WWOX: variants seen among roughly 807,000 people sequenced by gnomAD.
WWOX encodes the protein WW domain containing oxidoreductase, also known as WW domain-containing oxidoreductase.
In WWOX, 69 loss-of-function variants were observed where a neutral mutation model predicts 46.2. That is an observed-to-expected ratio of 1.49 (90% confidence interval 1.23 to 1.82). The LOEUF is 1.82. Among genes scored for constraint, WWOX ranks in the 40% most tolerant of loss-of-function variants. The pLI is 0.00. For synonymous variants in WWOX, 359 were observed against 202.6 expected, an observed-to-expected ratio of 1.77 and a Z score of -6.56; for missense variants, 919 against 542.6, an observed-to-expected ratio of 1.69 and a Z score of -6.89.
chr16:78,977,800 A>G (rs2046603096), intron 8 of WWOX, among the ~76,000 whole-genome samples: 1 of 152,130 alleles, frequency 6.6e-6, no homozygotes, highest in South Asian at 2.1e-4. Context: ...TCCCAGCCTC[A>G]CACCAAGCTC....
chr16:78,307,574 G>C (rs1216392042), intron 5 of WWOX, among the ~76,000 whole-genome samples: 1 of 152,216 alleles, frequency 6.6e-6, no homozygotes, highest in East Asian at 1.9e-4. Flanking sequence ...GAAGGAACCA[G>C]CTGTGCTGAC....
chr16:78,711,777 C>T (rs534304328), intron 8 of WWOX, among the ~76,000 whole-genome samples: 94 of 152,106 alleles, frequency 6.2e-4, no homozygotes, highest in Non-Finnish European at 7.1e-4. Context: ...AAAGAGTGAG[C>T]GCACAGGAGC....
chr16:78,574,686 A>G (rs543471818), intron 8 of WWOX, among the ~76,000 whole-genome samples: 1 of 152,028 alleles, frequency 6.6e-6, no homozygotes, highest in South Asian at 2.1e-4. Context: ...GTTAAGTCAA[A>G]TAAGCCAGAC....
chr16:78,108,921 G>A (rs1002076806), intron 2 of WWOX, among the ~76,000 whole-genome samples: 3 of 152,192 alleles, frequency 2.0e-5, no homozygotes, highest in African/African-American at 7.2e-5. Flanking sequence ...CCAGGAGCTG[G>A]AGGTTGCAGT....
At chr16:78,777,981 G>T (rs150748186) in intron 8 of WWOX, among the ~76,000 whole-genome samples, 261 of 143,272 alleles carry the variant, frequency 1.8e-3, no homozygotes, top group African/African-American at 6.5e-3. Flanking sequence ...GGAGGTGGAA[G>T]TTGTAGTGAG....
chr16:78,959,564 C>T (rs2046234017), intron 8 of WWOX, among the ~76,000 whole-genome samples: 1 of 152,134 alleles, frequency 6.6e-6, no homozygotes, highest in African/African-American at 2.4e-5. Context: ...TCCATCTATC[C>T]ATCCATCTAC....
chr16:78,808,883 G>T (rs574184483), intron 8 of WWOX, among the ~76,000 whole-genome samples: 241 of 152,200 alleles, frequency 1.6e-3, no homozygotes, highest in African/African-American at 5.6e-3. Context: ...TAGTTGTGTG[G>T]CTTGGTGGAG....
chr16:79,033,190 T>A (rs1421604451), intron 8 of WWOX, among the ~76,000 whole-genome samples: 1 of 139,548 alleles, frequency 7.2e-6, no homozygotes, highest in Admixed American at 7.3e-5. Flanking sequence ...TATAGATAAT[T>A]TATATATAAA....
chr16:78,711,150 C>T (rs2048436935), intron 8 of WWOX, among the ~76,000 whole-genome samples: 1 of 152,168 alleles, frequency 6.6e-6, no homozygotes, highest in African/African-American at 2.4e-5. Context: ...TTCTTTGTGT[C>T]CTCTCTGTTC....
chr16:78,151,442 G>A (rs960589251), intron 4 of WWOX, among the ~76,000 whole-genome samples: 1 of 152,002 alleles, frequency 6.6e-6, no homozygotes, highest in African/African-American at 2.4e-5. Flanking sequence ...CACTTTATAG[G>A]GTTTCTGTAG....
chr16:78,939,225 T>C (rs1487141983), intron 8 of WWOX, among the ~76,000 whole-genome samples: 1 of 152,124 alleles, frequency 6.6e-6, no homozygotes, highest in Admixed American at 6.6e-5. Flanking sequence ...TTCTGTCTGC[T>C]AGACACAGAA....
Position 79,023,980 on chromosome 16 carries a change from T to G in WWOX, c.1057-187628T>G, listed in dbSNP as rs573109388. Among the ~76,000 whole-genome samples the G allele has an allele frequency of 1.1e-4, 16 of 151,778 alleles. No homozygotes were observed. The South Asian group carries it at 3.1e-3, about 30-fold the overall frequency. ...AAAAACAAACAAAAAAAACATTATA[T>G]TAAGTGAAAGAAACCAGATGCAAAA... On this transcript the variant is annotated intron_variant, in intron 8 of 8. Coordinates refer to ENST00000566780, the MANE Select transcript of WWOX (RefSeq NM_016373.4).
intron 5 of WWOX, among the ~76,000 whole-genome samples, chr16:78,385,841 G>C (rs9928955): frequency 0.78 from 118,364 of 152,158 alleles, 46,989 homozygotes; most frequent in African/African-American, 0.85. Flanking sequence ...GTGTTCTTGG[G>C]TTTTTTGTCC....
intron 8 of WWOX, among the ~76,000 whole-genome samples, chr16:79,113,830 G>A (rs1340868299): frequency 2.6e-5 from 4 of 152,350 alleles, no homozygotes; most frequent in East Asian, 3.9e-4. Flanking sequence ...CAGATGCGAA[G>A]AGCTAGACCC....
intron 8 of WWOX, among the ~76,000 whole-genome samples, chr16:78,445,536 G>C (rs2083540117): frequency 6.6e-6 from 1 of 152,172 alleles, no homozygotes. Flanking sequence ...CCAGGAAGGA[G>C]CTTTAATTTG....
At chr16:78,837,898 A>G (rs553047817) in intron 8 of WWOX, among the ~76,000 whole-genome samples, 17 of 152,308 alleles carry the variant, frequency 1.1e-4, no homozygotes, top group African/African-American at 3.6e-4. Flanking sequence ...CATTTTACAG[A>G]TGAGAAAATG....
At chr16:78,464,649 T>C (rs187719359) in intron 8 of WWOX, among the ~76,000 whole-genome samples, 1 of 152,266 alleles carries the variant, frequency 6.6e-6, no homozygotes, top group East Asian at 1.9e-4. Flanking sequence ...TTTGCCCCTC[T>C]GTAAATCCAG....
intron 8 of WWOX, among the ~76,000 whole-genome samples, chr16:78,905,843 A>G (rs375213654): frequency 1.3e-5 from 2 of 152,192 alleles, no homozygotes; most frequent in East Asian, 1.9e-4. Flanking sequence ...TGCTAGTTGC[A>G]TCAAACACGT....
chr16:78,996,927 A>C (rs185898154), intron 8 of WWOX, among the ~76,000 whole-genome samples: 2 of 152,320 alleles, frequency 1.3e-5, no homozygotes, highest in Non-Finnish European at 2.9e-5. Context: ...GCTTGTTTTC[A>C]AACACAAGCA....
Sources: gnomAD v4.1 joint callset for allele counts (sites outside exome capture counted in the v4.1 genomes callset) on GRCh38, gnomAD v4.1.1 for gene constraint, MANE v1.5 for transcripts, NCBI Gene and HGNC (gene_info 2026-07-23, HGNC 2026-07-21) for gene names.